The following ATXN1 variants were observed in gnomAD, a reference collection of about 807,000 sequenced individuals.
ATXN1 encodes the protein ataxin-1.
ATXN1 carries 8 observed loss-of-function variants against 56.4 expected under a neutral mutation model. That is an observed-to-expected ratio of 0.14 (90% CI 0.08 to 0.26). ATXN1 has a LOEUF of 0.26. ATXN1 is among the 10% of genes least tolerant of loss of function. The pLI is 1.00. For missense variants in ATXN1, 987 were observed against 1,106.5 expected (o/e 0.89, Z 1.53); for synonymous variants, 514 against 494.6 (o/e 1.04, Z -0.52).
rs144195914 is a variant in ATXN1, at chr6:16,572,585, G to A, written c.-361+13195C>T. 8.5e-4 allele frequency among the ~76,000 whole-genome samples: 130 copies of A among 152,216 alleles called. 3 individuals are homozygous for A. The highest frequency in any genetic ancestry group is 7.8e-3 in the Admixed American group (120 of 15,288). On this transcript the variant is annotated intron_variant, in intron 4 of 7. Transcript: ENST00000436367. ...ATTCTTGAGTAATAAGTGGAAATTC[G>A]TGAAATAAGTGATGAAAACAAGGGT...
rs1282845367 is a variant in ATXN1 at position 16,760,857 on chromosome 6, T to C, written c.-730+441A>G. Among the ~76,000 whole-genome samples the C allele has an allele frequency of 6.8e-6, 1 of 147,688 alleles. No individual in the cohort carries two copies. Among genetic ancestry groups the C allele is most frequent in the Non-Finnish European group, 1.5e-5 (1 of 66,516 alleles). Reference sequence around the variant, plus strand: ...TGCGCCACCCGGAGGGAGGAGGACATGGCTCTCCGCACTTGCGACCGGACC... The same window carrying C: ...TGCGCCACCCGGAGGGAGGAGGACACGGCTCTCCGCACTTGCGACCGGACC... On this transcript the variant is annotated intron_variant, in intron 1 of 7. Coordinates refer to ENST00000436367, the MANE Select transcript of ATXN1 (RefSeq NM_001128164.2). The surrounding 1 kb of genome is among the most constrained non-coding windows in gnomAD (Gnocchi z 5.3).
Position 16,306,863 on chromosome 6 carries a change from T to TTTC in ATXN1, c.1918-5_1918-4insGAA. 3 of 1,595,914 alleles carry TTTC rather than the reference T, an allele frequency of 1.9e-6. No individual in the cohort carries two copies. The highest frequency in any genetic ancestry group is 2.6e-6 in the Non-Finnish European group (3 of 1,175,060). ...CTACCAAAACTTCAACGCTGACCTG[T>TTTC]GGAAACAGGGAGAGACAGAGAGAGG... On this transcript the variant is annotated splice_region_variant and splice_polypyrimidine_tract_variant and intron_variant, in intron 7 of 7. Coordinates refer to ENST00000436367, the MANE Select transcript of ATXN1 (RefSeq NM_001128164.2). The surrounding 1 kb of genome is among the most constrained non-coding windows in gnomAD (Gnocchi z 5.2).
rs997147731 is a variant in ATXN1, at chr6:16,656,640, T to C, written c.-489+1136A>G. Among the ~76,000 whole-genome samples the C allele has an allele frequency of 4.6e-5, 7 of 152,318 alleles. No individual in the cohort carries two copies. The East Asian group carries it at 1.3e-3, about 29-fold the overall frequency. ...GGGCCCATGTATACTTAAAAGTTAC[T>C]CAGTAAATGTTTGCTGAACAGGACT... On this transcript the variant is annotated intron_variant, in intron 3 of 7. Transcript: ENST00000436367.
intron 4 of ATXN1, among the ~76,000 whole-genome samples, chr6:16,545,202 A>G (rs772151470): frequency 3.3e-5 from 5 of 152,146 alleles, no homozygotes; most frequent in Non-Finnish European, 5.9e-5. Context: ...TAACTTTCTT[A>G]TTACCCCCCA....
At chr6:16,514,908 G>C (rs556570597) in intron 5 of ATXN1, among the ~76,000 whole-genome samples, 1 of 151,704 alleles carries the variant, frequency 6.6e-6, no homozygotes, top group East Asian at 1.9e-4. Flanking sequence ...ACTTGAACCC[G>C]GGAGGCAGAG....
At chr6:16,323,317 G>A (rs1249927318) in intron 7 of ATXN1, among the ~76,000 whole-genome samples, 8 of 151,976 alleles carry the variant, frequency 5.3e-5, no homozygotes, top group East Asian at 1.9e-4. Context: ...TCAGGAGTTC[G>A]AGACCAGCCT....
At chr6:16,629,347 A>T (rs1179784177) in intron 3 of ATXN1, among the ~76,000 whole-genome samples, 2 of 152,060 alleles carry the variant, frequency 1.3e-5, no homozygotes, top group Non-Finnish European at 2.9e-5. Flanking sequence ...CCTCCCCCTG[A>T]GGCAGAGTCA....
Position 16,724,924 on chromosome 6 carries a change from A to G in ATXN1, c.-615+28309T>C, listed in dbSNP as rs707851. Among the ~76,000 whole-genome samples, 676 of 152,302 alleles carry G rather than the reference A, an allele frequency of 4.4e-3. 4 individuals carry two copies. The highest frequency in any genetic ancestry group is 0.016 in the African/African-American group (657 of 41,568). On this transcript the variant is annotated intron_variant, in intron 2 of 7. Transcript: ENST00000436367. Reference sequence around the variant, plus strand: ...GAGGATCCCGCCATGGCCTGAGCTCAGTCACTATTACCAGCTTCACCAGAG... The same window carrying G: ...GAGGATCCCGCCATGGCCTGAGCTCGGTCACTATTACCAGCTTCACCAGAG...
At chr6:16,351,405 G>GTTT (rs35998688) in intron 6 of ATXN1, among the ~76,000 whole-genome samples, 4 of 139,866 alleles carry the variant, frequency 2.9e-5, no homozygotes, top group African/African-American at 1.1e-4. Context: ...TAATTTCAGG[G>GTTT]TTTTTTTTTT....
chr6:16,466,351 G>T (rs1244597106), intron 6 of ATXN1, among the ~76,000 whole-genome samples: 1 of 111,668 alleles, frequency 9.0e-6, no homozygotes, highest in Admixed American at 8.8e-5. Context: ...AAAAAAAAAA[G>T]GCCTAAATGT....
At position 16,299,173 on chromosome 6, in the gene ATXN1, T is replaced by C. The variant is rs1760016515; in HGVS notation, c.*7156A>G. On this transcript the variant is annotated 3_prime_UTR_variant, in exon 8 of 8. Transcript: ENST00000436367. ...CTGAAACAATAAACTTGTACTGGTATACAGACAATTTATTTAAAACAATTT... is the reference window on the plus strand; with the variant it reads ...CTGAAACAATAAACTTGTACTGGTACACAGACAATTTATTTAAAACAATTT... 1 of 152,650 alleles carries C rather than the reference T, an allele frequency of 6.6e-6. No homozygotes were observed. Among genetic ancestry groups the C allele is most frequent in the African/African-American group, 2.4e-5 (1 of 41,452 alleles). 9.5% of individuals were successfully genotyped at this position (152,650 alleles called of 1,614,324 possible).
intron 3 of ATXN1, among the ~76,000 whole-genome samples, chr6:16,646,879 G>GA (rs1763806207): frequency 6.6e-6 from 1 of 152,182 alleles, no homozygotes; most frequent in Non-Finnish European, 1.5e-5. Flanking sequence ...ATAAACACTG[G>GA]AAAAATTTTA....
chr6:16,526,356 G>C (rs1299251621), intron 4 of ATXN1, among the ~76,000 whole-genome samples: 5 of 152,144 alleles, frequency 3.3e-5, no homozygotes, highest in Admixed American at 1.3e-4. Context: ...AGAAAGGCAG[G>C]CTGAATAAAT....
chr6:16,739,682 G>T, intron 2 of ATXN1: 1 of 402,824 alleles, frequency 2.5e-6, no homozygotes, highest in South Asian at 1.7e-5. Flanking sequence ...AAAGCGGTCG[G>T]AAACAGACGT....
At chr6:16,347,231 C>CA (rs1761433075) in intron 6 of ATXN1, among the ~76,000 whole-genome samples, 1 of 152,250 alleles carries the variant, frequency 6.6e-6, no homozygotes, top group Non-Finnish European at 1.5e-5. Context: ...TGCGGGCGCA[C>CA]GGCACTGGCA....
At chr6:16,321,944 G>A (rs1057092156) in intron 7 of ATXN1, among the ~76,000 whole-genome samples, 10 of 152,176 alleles carry the variant, frequency 6.6e-5, no homozygotes, top group Non-Finnish European at 8.8e-5. Context: ...ATACGTGGCC[G>A]GGCGCCGTGG....
intron 5 of ATXN1, among the ~76,000 whole-genome samples, chr6:16,507,222 C>G (rs1046654781): frequency 4.6e-5 from 7 of 152,146 alleles, no homozygotes; most frequent in African/African-American, 1.7e-4. Context: ...CTACCCTTGT[C>G]AGCCAAACTC....
At chr6:16,570,430 A>G (rs236956) in intron 4 of ATXN1, among the ~76,000 whole-genome samples, 96,566 of 151,974 alleles carry the variant, frequency 0.64, 30,876 homozygotes, top group East Asian at 0.83. Flanking sequence ...GAATTTTTTT[A>G]TTGGTCATTT....
chr6:16,721,759 CTCAGCCTTAACATTTTGT>C (rs1309520814), intron 2 of ATXN1, among the ~76,000 whole-genome samples: 2 of 152,106 alleles, frequency 1.3e-5, no homozygotes, highest in Non-Finnish European at 2.9e-5. Flanking sequence ...TTTTCTGTAA[CTCAGCCTTAACATTTTGT>C]TAAGCCTTTC....
Sources: allele counts gnomAD v4.1 joint callset (sites outside exome capture counted in the v4.1 genomes callset), GRCh38; gene constraint gnomAD v4.1.1; non-coding constraint Gnocchi (gnomAD v3.1); transcripts MANE v1.5; gene names NCBI Gene and HGNC (gene_info 2026-07-23, HGNC 2026-07-21).